CHUK: variants seen among roughly 807,000 people sequenced by gnomAD.
CHUK encodes inhibitor of nuclear factor kappa-B kinase subunit alpha.
A neutral mutation model predicts 104.8 loss-of-function variants in CHUK; 35 were observed. The ratio of observed to expected loss-of-function variants is 0.33; its 90% confidence interval spans 0.26 to 0.44. The LOEUF is 0.44. Ranked by LOEUF, CHUK falls within the 20% of genes least tolerant of loss-of-function variation. The probability of loss-of-function intolerance (pLI) is 1.00; values close to 1 mark genes in which losing one functional copy is unlikely to be tolerated. For missense variants in CHUK, 663 were observed against 902.7 expected (o/e 0.73, Z 3.40); for synonymous variants, 276 against 291.9 (o/e 0.95, Z 0.56).
intron 16 of CHUK, among the ~76,000 whole-genome samples, 168 bp downstream of exon 16, chr10:100,199,803 C>T (rs1374509375): frequency 6.6e-6 from 1 of 152,040 alleles, no homozygotes; most frequent in Non-Finnish European, 1.5e-5. Flanking sequence ...CCTAAATTCT[C>T]ACAATCTTAA....
rs1845128346 is a variant in CHUK at position 100,188,718 on chromosome 10, G to T, written c.*880C>A. ...GCAAGCAAATGAATTTTGTCACCAA[G>T]CTTATGGAAACCTTGTTTTCAGAGC... On this transcript the variant is annotated 3_prime_UTR_variant, in exon 21 of 21. Coordinates refer to ENST00000370397, the MANE Select transcript of CHUK (RefSeq NM_001278.5). 6.6e-6 allele frequency: 1 copy of T among 152,160 alleles called. No individual in the cohort carries two copies. Among genetic ancestry groups the T allele is most frequent in the Admixed American group, 6.5e-5 (1 of 15,284 alleles). 9.4% of individuals were successfully genotyped at this position (152,160 alleles called of 1,614,324 possible).
chr10:100,210,409 A>G (rs1845704004), intron 9 of CHUK, among the ~76,000 whole-genome samples: 1 of 152,216 alleles, frequency 6.6e-6, no homozygotes, highest in African/African-American at 2.4e-5. Flanking sequence ...TTTGAAAAAA[A>G]CATTATCATA....
At chr10:100,193,262 A>G in intron 19 of CHUK, 36 bp downstream of exon 19, 1 of 1,611,316 alleles carries the variant, frequency 6.2e-7, no homozygotes, top group Non-Finnish European at 8.5e-7. Flanking sequence ...CACTGCTATG[A>G]AAACACAGCT....
chr10:100,204,928 A>T (rs1333405704), intron 12 of CHUK, 148 bp downstream of exon 12: 2 of 936,190 alleles, frequency 2.1e-6, no homozygotes, highest in African/African-American at 3.3e-5. Context: ...ATTAGTAAGA[A>T]TTCTACAAGT....
chr10:100,203,263 A>C (rs1371664158), intron 13 of CHUK, among the ~76,000 whole-genome samples: 1 of 152,140 alleles, frequency 6.6e-6, no homozygotes, highest in East Asian at 1.9e-4. Flanking sequence ...TAAAACTGTC[A>C]ACTAAAGACT....
At chr10:100,228,991 G>GCACACACACACACACA (rs576139683) in intron 1 of CHUK, among the ~76,000 whole-genome samples, 14 of 115,000 alleles carry the variant, frequency 1.2e-4, no homozygotes, top group East Asian at 7.8e-4. Flanking sequence ...GCGCGCGCGC[G>GCACACACACACACACA]CGCACACACA....
intron 16 of CHUK, chr10:100,195,470 C>A (rs1267341468): frequency 6.6e-6 from 1 of 152,198 alleles, no homozygotes; most frequent in Non-Finnish European, 1.5e-5. Flanking sequence ...CTTTATTCCC[C>A]ACACATCTCT....
Position 100,200,766 on chromosome 10 carries a change from T to C in CHUK, c.1584A>G (p.Gly528=), listed in dbSNP as rs770331785. 3.8e-6 allele frequency: 6 copies of C among 1,587,794 alleles called. No homozygotes were observed. Among genetic ancestry groups the C allele is most frequent in the Non-Finnish European group, 5.2e-6 (6 of 1,156,916 alleles). Residue 528 remains glycine (G), a synonymous_variant, in exon 15 of 21, where the codon GGA becomes GGG. Coordinates refer to ENST00000370397, the MANE Select transcript of CHUK (RefSeq NM_001278.5). ...AAGACATAATCTGATCCTCCAGGTA[T>C]CCAATGACACCAACCTAAAATATGA... is the stretch of plus-strand genomic sequence containing the variant. ...AIHYAEVGVI[G]YLEDQIMSLH...
Position 100,190,872 on chromosome 10 carries a change from C to A in CHUK, c.2205G>T (p.Met735Ile), listed in dbSNP as rs748611995. 3.1e-6 allele frequency: 5 copies of A among 1,588,192 alleles called. No individual in the cohort carries two copies. Among genetic ancestry groups the A allele is most frequent in the East Asian group, 4.5e-5 (2 of 44,750 alleles). The change falls in exon 20 of 21, where the codon ATG (methionine) becomes ATT (isoleucine). Residue 735 changes from methionine to isoleucine, a missense_variant. Transcript: ENST00000370397. ...CCCATATCCACACAAAACTTACCAT[C>A]ATACTATTGCCCTGTTCCTCATTTG... ...HEANEEQGNS[M>I]MNLDWSWLTE
chr10:100,207,249 A>T lies in CHUK; in HGVS notation c.1212T>A (p.Ser404=). The T allele has an allele frequency of 6.6e-7, 1 of 1,517,124 alleles. No homozygotes were observed. The highest frequency in any genetic ancestry group is 9.2e-7 in the Non-Finnish European group (1 of 1,092,766). 94.0% of individuals were successfully genotyped at this position (1,517,124 alleles called of 1,614,324 possible). A position where few individuals can be genotyped will look rare whatever the true frequency, so the allele number is the denominator to read the frequency against. ...ACTTACCAATATAATTTACACAATC[A>T]GATAAACTTCTGGAAGCAAATGGCC... The part of the protein sequence containing the change: ...YEGPFASRSL[S]DCVNYIVQDS... The change falls in exon 11 of 21, where the codon TCT becomes TCA. Residue 404 remains serine (S), a synonymous_variant. Transcript: ENST00000370397.
rs951582197 is a variant in CHUK at position 100,192,708 on chromosome 10, G to A, written c.2108+590C>T. On this transcript the variant is annotated intron_variant, in intron 19 of 20. Coordinates refer to ENST00000370397, the MANE Select transcript of CHUK (RefSeq NM_001278.5). ...CACATCTTAAGCTGAGAAAATAACAGAAATGGATAGTCATTCAGCTTTTAG... is the reference window on the plus strand; with the variant it reads ...CACATCTTAAGCTGAGAAAATAACAAAAATGGATAGTCATTCAGCTTTTAG... 1.1e-4 allele frequency: 106 copies of A among 987,250 alleles called. No homozygotes were observed. In the African/African-American group the frequency reaches 1.7e-3, roughly 16 times the overall value. The allele number at this position is 987,250 out of a possible 1,614,324, so 61.2% of individuals were successfully genotyped here.
Position 100,189,639 on chromosome 10 carries a change from C to G in CHUK, c.2209-12G>C, listed in dbSNP as rs1191583227. ...CTCCAATCAAGATTCTAAAACCAGG[C>G]ATGAAAAAGTTACAATTAGATGTTG... On this transcript the variant is annotated splice_polypyrimidine_tract_variant and intron_variant, in intron 20 of 20. Transcript: ENST00000370397. 6.2e-7 allele frequency: 1 copy of G among 1,607,290 alleles called. No individual in the cohort carries two copies. The highest frequency in any genetic ancestry group is 8.5e-7 in the Non-Finnish European group (1 of 1,174,020).
At position 100,193,431 on chromosome 10, in the gene CHUK, T is replaced by G. The variant is rs1422737799; in HGVS notation, c.1975A>C (p.Thr659Pro). 3.1e-6 allele frequency: 5 copies of G among 1,614,070 alleles called. No individual in the cohort carries two copies. ...ACAAGGGACCGGGCAGAACTCTGTG[T>G]CTGAAGGAAAAGAAAAAAACATCAA... is the stretch of plus-strand genomic sequence containing the variant. ...EIWHLLKIAC[T>P]QSSARSLVGS... The change falls in exon 19 of 21, where the codon ACA becomes CCA. Residue 659 changes from threonine to proline, a missense_variant and splice_region_variant. By Grantham distance (38) the Thr-to-Pro change is conservative (BLOSUM62 -1). Coordinates refer to ENST00000370397, the MANE Select transcript of CHUK (RefSeq NM_001278.5).
chr10:100,204,473 T>C, intron 13 of CHUK, 33 bp downstream of exon 13: 2 of 1,596,548 alleles, frequency 1.3e-6, no homozygotes, highest in Non-Finnish European at 1.7e-6. Flanking sequence ...AGAAACCAGA[T>C]GCTCCTTTCA....
intron 18 of CHUK, 181 bp downstream of exon 18, chr10:100,193,803 G>A: frequency 1.5e-6 from 1 of 647,856 alleles, no homozygotes; most frequent in Non-Finnish European, 2.7e-6. Flanking sequence ...GGAAAGGAGA[G>A]ATGATAATAA....
chr10:100,210,862 G>T (rs530149420), intron 9 of CHUK, among the ~76,000 whole-genome samples: 1 of 152,174 alleles, frequency 6.6e-6, no homozygotes, highest in Non-Finnish European at 1.5e-5. Flanking sequence ...GTCAGGTGGG[G>T]CTCTGTCCCC....
At chr10:100,206,099 TG>T (rs1354271758) in intron 11 of CHUK, among the ~76,000 whole-genome samples, 1 of 151,856 alleles carries the variant, frequency 6.6e-6, no homozygotes, top group Admixed American at 6.6e-5. Context: ...GACAACCAAA[TG>T]TAATGTGTTC....
chr10:100,224,828 T>G (rs1846069411), intron 2 of CHUK, among the ~76,000 whole-genome samples: 2 of 148,646 alleles, frequency 1.3e-5, no homozygotes, highest in South Asian at 4.2e-4. Context: ...CATTTTTAAG[T>G]GTACAGTTTA....
intron 16 of CHUK, chr10:100,195,364 A>G (rs1308340313): frequency 6.6e-6 from 1 of 152,162 alleles, no homozygotes; most frequent in Non-Finnish European, 1.5e-5. Flanking sequence ...TGTTACCCCC[A>G]TTTTACCAAA....
Sources: allele counts gnomAD v4.1 joint callset (sites outside exome capture counted in the v4.1 genomes callset), GRCh38; gene constraint gnomAD v4.1.1; transcripts MANE v1.5; gene names NCBI Gene and HGNC (gene_info 2026-07-23, HGNC 2026-07-21).